NEK11: variants seen among roughly 807,000 people sequenced by gnomAD.
NEK11 encodes NIMA related kinase 11, also known as serine/threonine-protein kinase Nek11.
In NEK11, 72 loss-of-function variants were observed where a neutral mutation model predicts 80.7. That is an observed-to-expected ratio of 0.89 (90% CI 0.74 to 1.08). The LOEUF (loss-of-function observed/expected upper bound fraction) is 1.08, where lower values mean the gene tolerates loss of function less well. Ranked by LOEUF, NEK11 falls within the 50% of genes least tolerant of loss-of-function variation. The probability of loss-of-function intolerance (pLI) is 0.00; values close to 1 mark genes in which losing one functional copy is unlikely to be tolerated. For synonymous variants in NEK11, 251 were observed against 260.7 expected, an observed-to-expected ratio of 0.96 and a Z score of 0.36; for missense variants, 764 against 763.6, an observed-to-expected ratio of 1.00 and a Z score of -0.01.
intron 17 of NEK11, among the ~76,000 whole-genome samples, chr3:131,292,553 T>C (rs564602501): frequency 3.3e-5 from 5 of 151,304 alleles, no homozygotes; most frequent in African/African-American, 1.2e-4. Flanking sequence ...TCTCACTCTA[T>C]AGCCCAGGCT....
intron 14 of NEK11, among the ~76,000 whole-genome samples, chr3:131,215,701 T>G (rs908005756): frequency 6.6e-6 from 1 of 152,212 alleles, no homozygotes; most frequent in Non-Finnish European, 1.5e-5. Flanking sequence ...CCCTGCTACA[T>G]CCACAACTGT....
chr3:131,152,913 G>A (rs1374114070), intron 9 of NEK11, among the ~76,000 whole-genome samples: 9 of 151,954 alleles, frequency 5.9e-5, no homozygotes, highest in Admixed American at 2.6e-4. Flanking sequence ...GTGAAACCCC[G>A]TCTCTACTAA....
rs538302324 is a variant in NEK11, at chr3:131,083,808, G to T, written c.336+3220G>T. Among the ~76,000 whole-genome samples, 108 of 152,172 alleles carry T rather than the reference G, an allele frequency of 7.1e-4. 1 individual carries two copies. The highest frequency in any genetic ancestry group is 1.2e-3 in the Non-Finnish European group (85 of 68,002). The stretch of plus-strand genomic sequence containing the variant: ...AGACAACTGAACTCTCATAATTTCT[G>T]GTCAAGATTTAACCAAATCTTTGAT... On this transcript the variant is annotated intron_variant, in intron 4 of 17. Transcript: ENST00000383366.
chr3:131,128,629 T>C (rs1009804638), intron 5 of NEK11, among the ~76,000 whole-genome samples: 2 of 152,200 alleles, frequency 1.3e-5, no homozygotes, highest in African/African-American at 2.4e-5. Flanking sequence ...ATTGTGCAGG[T>C]TTTTGTGTGG....
At chr3:131,321,263 A>G (rs942375971) in intron 17 of NEK11, among the ~76,000 whole-genome samples, 2 of 152,206 alleles carry the variant, frequency 1.3e-5, no homozygotes, top group Non-Finnish European at 2.9e-5. Flanking sequence ...AGGACTCCCT[A>G]TTCAATAAAT....
intron 12 of NEK11, among the ~76,000 whole-genome samples, chr3:131,166,916 T>A (rs1048982171): frequency 2.0e-5 from 3 of 152,188 alleles, no homozygotes; most frequent in African/African-American, 7.2e-5. Flanking sequence ...CCTGTTAAGG[T>A]GGCTCTTCTT....
In NEK11 at chr3:131,223,528, G is replaced by T. The variant is rs114846685; in HGVS notation, c.1400-5000G>T. On this transcript the variant is annotated intron_variant, in intron 14 of 17. Coordinates refer to ENST00000383366, the MANE Select transcript of NEK11 (RefSeq NM_024800.5). ...AAGAAAGGTTTGTCTGTGTTGTAGA[G>T]ATATGACTTGGTCCACTGCCTATGT... 7.2e-3 allele frequency among the ~76,000 whole-genome samples: 1,090 copies of T among 152,300 alleles called. 13 individuals are homozygous for T. Among genetic ancestry groups the T allele is most frequent in the African/African-American group, 0.024 (1,016 of 41,564 alleles).
intron 17 of NEK11, among the ~76,000 whole-genome samples, chr3:131,305,679 G>A (rs1170756186): frequency 9.2e-5 from 14 of 152,160 alleles, no homozygotes; most frequent in Non-Finnish European, 1.2e-4. Flanking sequence ...CAGCTCAAGT[G>A]TCCTTTGAGA....
At chr3:131,199,171 C>A (rs2094139097) in intron 14 of NEK11, among the ~76,000 whole-genome samples, 1 of 151,942 alleles carries the variant, frequency 6.6e-6, no homozygotes, top group African/African-American at 2.4e-5. Context: ...TGAGAAATAA[C>A]AAATTAAGAA....
Position 131,080,439 on chromosome 3 carries a change from A to G in NEK11, c.187A>G (p.Ile63Val). The G allele has an allele frequency of 3.1e-6, 5 of 1,600,990 alleles. No homozygotes were observed. The highest frequency in any genetic ancestry group is 4.2e-6 in the Non-Finnish European group (5 of 1,176,892). The change falls in exon 4 of 18, where the codon ATA becomes GTA. Residue 63 changes from isoleucine to valine, a missense_variant. Ile to Val is a conservative substitution (Grantham distance 29). Coordinates refer to ENST00000383366, the MANE Select transcript of NEK11 (RefSeq NM_024800.5). ...TGATCTCAGAAAGGTACTTAAGGAA[A>G]TATCTGTTGGAGAACTAAATCCAAA... ...RGEELKVLKE[I>V]SVGELNPNET...
At chr3:131,320,287 G>A (rs2096884020) in intron 17 of NEK11, among the ~76,000 whole-genome samples, 1 of 152,102 alleles carries the variant, frequency 6.6e-6, no homozygotes, top group African/African-American at 2.4e-5. Context: ...ATGGTTTCCT[G>A]CTTAGTTAAG....
chr3:131,184,802 C>T, intron 14 of NEK11: 1 of 837,548 alleles, frequency 1.2e-6, no homozygotes, highest in Non-Finnish European at 1.6e-6. Context: ...CTTTTTGAGT[C>T]CCCTAGCTGT....
At chr3:131,165,296 A>G (rs1167125012) in intron 11 of NEK11, 130 bp from the exon 12 acceptor site, 25 of 625,622 alleles carry the variant, frequency 4.0e-5, no homozygotes, top group Non-Finnish European at 6.9e-5. Flanking sequence ...TTGATGAGGA[A>G]GAGACCTGAT....
intron 15 of NEK11, among the ~76,000 whole-genome samples, chr3:131,238,665 G>A (rs920243316): frequency 3.3e-5 from 5 of 152,252 alleles, no homozygotes; most frequent in Admixed American, 3.3e-4. Context: ...GGACAAAAGG[G>A]AACTGGGAGA....
intron 17 of NEK11, among the ~76,000 whole-genome samples, chr3:131,314,130 AGTGTGTGTGTGT>A (rs143988468): frequency 6.7e-6 from 1 of 149,224 alleles, no homozygotes; most frequent in Non-Finnish European, 1.5e-5. Context: ...GGAGAAAAAG[AGTGTGTGTGTGT>A]GTGTGTGTGT....
intron 16 of NEK11, among the ~76,000 whole-genome samples, chr3:131,264,263 T>G (rs1484848431): frequency 6.6e-6 from 1 of 152,194 alleles, no homozygotes; most frequent in African/African-American, 2.4e-5. Context: ...TTGCTTTTGG[T>G]GTTTTAGTCA....
At chr3:131,213,520 C>A (rs566561127) in intron 14 of NEK11, among the ~76,000 whole-genome samples, 1 of 152,002 alleles carries the variant, frequency 6.6e-6, no homozygotes, top group Non-Finnish European at 1.5e-5. Flanking sequence ...GAAAATACAA[C>A]GAGAAAAAAG....
intron 4 of NEK11, among the ~76,000 whole-genome samples, chr3:131,097,231 G>C (rs542012292): frequency 0.012 from 1,740 of 151,180 alleles, 26 homozygotes; most frequent in African/African-American, 0.041. Context: ...ATGATTTATA[G>C]TCCTTTGGGT....
Position 131,349,932 on chromosome 3 carries a change from G to A in NEK11, c.*156G>A, listed in dbSNP as rs953892206. The A allele has an allele frequency of 6.4e-6, 4 of 623,368 alleles. No individual in the cohort carries two copies. The highest frequency in any genetic ancestry group is 3.7e-5 in the African/African-American group (2 of 54,234). The allele number at this position is 623,368 out of a possible 1,614,324, so 38.6% of individuals were successfully genotyped here. On this transcript the variant is annotated 3_prime_UTR_variant, in exon 18 of 18. Coordinates refer to ENST00000383366, the MANE Select transcript of NEK11 (RefSeq NM_024800.5). ...TCAGAAGTACTGGCTTCTTTAGAGA[G>A]TAGTAAGCATGGCTGCCTATGCTTG...
Sources: gnomAD v4.1 joint callset for allele counts (sites outside exome capture counted in the v4.1 genomes callset) on GRCh38, gnomAD v4.1.1 for gene constraint, MANE v1.5 for transcripts, NCBI Gene and HGNC (gene_info 2026-07-23, HGNC 2026-07-21) for gene names.